The following NMNAT2 variants were observed in gnomAD, a reference collection of about 807,000 sequenced individuals.
The protein encoded by NMNAT2 is nicotinamide/nicotinic acid mononucleotide adenylyltransferase 2.
NMNAT2 carries 11 observed loss-of-function variants against 41.6 expected under a neutral mutation model. That is an observed-to-expected ratio of 0.26 (90% confidence interval 0.17 to 0.44). The LOEUF (loss-of-function observed/expected upper bound fraction) is 0.44, where lower values mean the gene tolerates loss of function less well. Ranked by LOEUF, NMNAT2 falls within the 20% of genes least tolerant of loss-of-function variation. The pLI, the probability that NMNAT2 is intolerant of heterozygous loss-of-function variation, is 1.00. For synonymous variants in NMNAT2, 148 were observed against 151.2 expected, an observed-to-expected ratio of 0.98 and a Z score of 0.16; for missense variants, 288 against 407.7, an observed-to-expected ratio of 0.71 and a Z score of 2.53.
chr1:183,318,607 G>A (rs1037526581), intron 1 of NMNAT2, among the ~76,000 whole-genome samples: 1 of 152,176 alleles, frequency 6.6e-6, no homozygotes, highest in Non-Finnish European at 1.5e-5. Flanking sequence ...GTTTAGGGAG[G>A]CCAGGACAGA....
intron 7 of NMNAT2, among the ~76,000 whole-genome samples, chr1:183,282,046 T>C (rs1331299916): frequency 6.6e-6 from 1 of 152,196 alleles, no homozygotes; most frequent in Admixed American, 6.5e-5. Context: ...CATCCCAGTT[T>C]CCACTGCATG....
rs1227159519 is a variant in NMNAT2 at position 183,393,299 on chromosome 1, T to G, written c.85+24884A>C. On this transcript the variant is annotated intron_variant, in intron 1 of 10. Coordinates refer to ENST00000287713, the MANE Select transcript of NMNAT2 (RefSeq NM_015039.4). ...ATATTTCAACCTCAGGACAACCCTG[T>G]GAGTTAAATAGGGCAGATGGTGCCA... 2.0e-5 allele frequency among the ~76,000 whole-genome samples: 3 copies of G among 152,196 alleles called. No homozygotes were observed. In the South Asian group the frequency reaches 6.2e-4, roughly 32 times the overall value.
At chr1:183,253,712 C>T (rs1660449740) in intron 10 of NMNAT2, among the ~76,000 whole-genome samples, 1 of 152,106 alleles carries the variant, frequency 6.6e-6, no homozygotes, top group African/African-American at 2.4e-5. Context: ...ACTTTCAGCC[C>T]TCCACACTTG....
chr1:183,340,981 C>A (rs1322917907), intron 1 of NMNAT2, among the ~76,000 whole-genome samples: 3 of 152,228 alleles, frequency 2.0e-5, no homozygotes, highest in Non-Finnish European at 4.4e-5. Flanking sequence ...TGATGATGAG[C>A]TGTGAGAGGA....
At chr1:183,258,483 C>T (rs1295919476) in intron 10 of NMNAT2, among the ~76,000 whole-genome samples, 1 of 152,202 alleles carries the variant, frequency 6.6e-6, no homozygotes, top group African/African-American at 2.4e-5. Flanking sequence ...GAACTAACTT[C>T]AGGAGAAACT....
At chr1:183,364,655 A>ATTCTTTCTTTCTTTCTTTC (rs1553218923) in intron 1 of NMNAT2, among the ~76,000 whole-genome samples, 2 of 142,976 alleles carry the variant, frequency 1.4e-5, no homozygotes, top group African/African-American at 5.1e-5. Context: ...GGGGAGGATG[A>ATTCTTTCTTTCTTTCTTTC]TTTCTTTCTT....
intron 8 of NMNAT2, among the ~76,000 whole-genome samples, chr1:183,275,998 C>A (rs985976283): frequency 3.3e-5 from 5 of 152,136 alleles, no homozygotes; most frequent in African/African-American, 4.8e-5. Context: ...CCGGGTAAGT[C>A]TTGCAGAAAC....
At chr1:183,306,554 C>T (rs907473221) in intron 1 of NMNAT2, among the ~76,000 whole-genome samples, 1 of 152,090 alleles carries the variant, frequency 6.6e-6, no homozygotes, top group Non-Finnish European at 1.5e-5. Flanking sequence ...TCAATTACTG[C>T]ATTGAGTGGA....
intron 8 of NMNAT2, among the ~76,000 whole-genome samples, chr1:183,274,261 T>G (rs936899574): frequency 6.6e-6 from 1 of 152,032 alleles, no homozygotes; most frequent in African/African-American, 2.4e-5. Context: ...AGGAGGAATT[T>G]GCAGGACAAA....
At chr1:183,384,840 A>G (rs1214418853) in intron 1 of NMNAT2, among the ~76,000 whole-genome samples, 2 of 152,180 alleles carry the variant, frequency 1.3e-5, no homozygotes, top group African/African-American at 4.8e-5. Context: ...TCACTAGTAT[A>G]ACTGAGTAGA....
At chr1:183,301,318 C>T (rs559494699) in intron 1 of NMNAT2, among the ~76,000 whole-genome samples, 1 of 152,176 alleles carries the variant, frequency 6.6e-6, no homozygotes, top group Non-Finnish European at 1.5e-5. Context: ...GTTAGAATAC[C>T]CACAAAAGAG....
intron 3 of NMNAT2, 47 bp downstream of exon 3, chr1:183,292,743 A>T: frequency 6.4e-7 from 1 of 1,559,920 alleles, no homozygotes; most frequent in Non-Finnish European, 8.8e-7. Context: ...CCCCACTCCC[A>T]GTAAGTCTCC....
chr1:183,344,543 C>T (rs1162855466), intron 1 of NMNAT2, among the ~76,000 whole-genome samples: 1 of 152,208 alleles, frequency 6.6e-6, no homozygotes, highest in Admixed American at 6.5e-5. Context: ...CAACACTCTA[C>T]TTAGAGCTGG....
chr1:183,342,785 G>T (rs915104865), intron 1 of NMNAT2, among the ~76,000 whole-genome samples: 1 of 151,962 alleles, frequency 6.6e-6, no homozygotes, highest in Non-Finnish European at 1.5e-5. Context: ...CCAGGCTGGA[G>T]TGCAGTGGGG....
At chr1:183,273,478 G>A (rs919600940) in intron 8 of NMNAT2, among the ~76,000 whole-genome samples, 7 of 152,196 alleles carry the variant, frequency 4.6e-5, no homozygotes, top group Non-Finnish European at 1.0e-4. Context: ...CACATATCTC[G>A]CTTCCAGGAG....
chr1:183,374,363 T>C (rs2101912561), intron 1 of NMNAT2, among the ~76,000 whole-genome samples: 1 of 152,334 alleles, frequency 6.6e-6, no homozygotes, highest in East Asian at 1.9e-4. Context: ...AAGAGGCCGC[T>C]GGCCTCAGAG....
At chr1:183,285,935 C>T (rs750890340) in intron 5 of NMNAT2, among the ~76,000 whole-genome samples, 5 of 152,158 alleles carry the variant, frequency 3.3e-5, no homozygotes, top group Non-Finnish European at 7.4e-5. Context: ...TGGGTGCGGA[C>T]CGCCTGGGTG....
intron 1 of NMNAT2, among the ~76,000 whole-genome samples, chr1:183,366,702 A>G (rs2102363049): frequency 6.6e-6 from 1 of 152,274 alleles, no homozygotes. Flanking sequence ...TGATACATTG[A>G]GTGAGTGGAC....
intron 8 of NMNAT2, among the ~76,000 whole-genome samples, chr1:183,268,275 T>C (rs484462): frequency 0.97 from 147,392 of 152,274 alleles, 71,528 homozygotes; most frequent in East Asian, 1. Context: ...TTGCCCTGCC[T>C]TGCTGGATTT....
Sources: gnomAD v4.1 joint callset for allele counts (sites outside exome capture counted in the v4.1 genomes callset) on GRCh38, gnomAD v4.1.1 for gene constraint, MANE v1.5 for transcripts, NCBI Gene and HGNC (gene_info 2026-07-23, HGNC 2026-07-21) for gene names.